MIPEP: variants seen among roughly 807,000 people sequenced by gnomAD.
The protein encoded by MIPEP is mitochondrial intermediate peptidase.
Under a neutral mutation model 90.3 loss-of-function variants are expected in MIPEP, and 79 were observed. That is an observed-to-expected ratio of 0.87 (90% CI 0.73 to 1.05). The LOEUF is 1.05. MIPEP is among the 50% of genes least tolerant of loss of function. MIPEP has a pLI of 0.00. For synonymous variants in MIPEP, 334 were observed against 315.8 expected (o/e 1.06, Z -0.61); for missense variants, 940 against 905.6 (o/e 1.04, Z -0.49).
chr13:23,771,056 G>C (rs968069712), intron 16 of MIPEP, among the ~76,000 whole-genome samples: 1 of 152,130 alleles, frequency 6.6e-6, no homozygotes, highest in Admixed American at 6.5e-5. Context: ...ACAGTCACTG[G>C]GGGGTGCAGA....
chr13:23,773,834 C>T (rs1235359672), intron 16 of MIPEP, among the ~76,000 whole-genome samples: 3 of 152,096 alleles, frequency 2.0e-5, no homozygotes, highest in African/African-American at 7.3e-5. Context: ...TGATCAGATA[C>T]ATATTCTCCC....
rs372488036 is a variant in MIPEP, at chr13:23,870,229, C to A, written c.604-34G>T. The A allele has an allele frequency of 1.1e-5, 15 of 1,364,122 alleles. No homozygotes were observed. The African/African-American group carries it at 1.3e-4, about 12-fold the overall frequency. 84.5% of individuals were successfully genotyped at this position (1,364,122 alleles called of 1,614,324 possible). Reference sequence around the variant, plus strand: ...AGGAGGAGTAAAAGTTATTTAAAGGCGTTTTGAATTAATATTTCACAATTT... The same window carrying A: ...AGGAGGAGTAAAAGTTATTTAAAGGAGTTTTGAATTAATATTTCACAATTT... On this transcript the variant is annotated intron_variant, in intron 5 of 18. Transcript: ENST00000382172.
intron 16 of MIPEP, among the ~76,000 whole-genome samples, chr13:23,777,222 T>C (rs553342490): frequency 1.3e-5 from 2 of 152,200 alleles, no homozygotes; most frequent in African/African-American, 2.4e-5. Context: ...AGTATTTGTG[T>C]TTCTCTAACA....
Position 23,739,782 on chromosome 13 carries a change from CG to C in MIPEP, c.2045-9338del, listed in dbSNP as rs1208424769. 2.6e-3 allele frequency among the ~76,000 whole-genome samples: 390 copies of C among 152,326 alleles called. 4 individuals are homozygous for C. The highest frequency in any genetic ancestry group is 8.9e-3 in the African/African-American group (369 of 41,584). The stretch of plus-strand genomic sequence containing the variant: ...ACTCCTGACTCCACTTCAGACTGAA[CG>C]TCTGCTCATGCATTTATCAAAAGGA... On this transcript the variant is annotated intron_variant, in intron 18 of 18. Coordinates refer to ENST00000382172, the MANE Select transcript of MIPEP (RefSeq NM_005932.4).
In MIPEP at chr13:23,785,713, A is replaced by G. The variant is rs528750650; in HGVS notation, c.1848+20237T>C. On this transcript the variant is annotated intron_variant, in intron 16 of 18. Transcript: ENST00000382172. Reference sequence around the variant, plus strand: ...GACTTCTAAGAAGAACATATATGATAGTATGCTAGCAATAGGCAGGTAAAT... The same window carrying G: ...GACTTCTAAGAAGAACATATATGATGGTATGCTAGCAATAGGCAGGTAAAT... Among the ~76,000 whole-genome samples the G allele has an allele frequency of 1.6e-3, 251 of 152,222 alleles. 1 individual carries two copies. The highest frequency in any genetic ancestry group is 5.6e-3 in the African/African-American group (234 of 41,550).
At chr13:23,824,667 A>T (rs1018222637) in intron 14 of MIPEP, among the ~76,000 whole-genome samples, 30 of 152,228 alleles carry the variant, frequency 2.0e-4, no homozygotes, top group African/African-American at 7.0e-4. Context: ...GCATGTCTCA[A>T]CTAGCTTGTT....
chr13:23,787,742 C>T (rs3794336), intron 16 of MIPEP, among the ~76,000 whole-genome samples: 23,716 of 152,050 alleles, frequency 0.16, 1,992 homozygotes, highest in South Asian at 0.23. Context: ...GCAGCTTTTC[C>T]GAGGCAAGTG....
At chr13:23,743,573 C>T (rs1952353588) in intron 18 of MIPEP, among the ~76,000 whole-genome samples, 1 of 152,246 alleles carries the variant, frequency 6.6e-6, no homozygotes, top group South Asian at 2.1e-4. Flanking sequence ...CTCTCTCTGT[C>T]TCTCTAGAAT....
At chr13:23,856,076 T>C (rs1323343645) in intron 10 of MIPEP, among the ~76,000 whole-genome samples, 1 of 152,258 alleles carries the variant, frequency 6.6e-6, no homozygotes, top group Non-Finnish European at 1.5e-5. Flanking sequence ...AGAATGTTTG[T>C]TCTTGCAGAG....
rs78850349 is a variant in MIPEP at position 23,750,680 on chromosome 13, A to C, written c.2044+5865T>G. 2.2e-4 allele frequency among the ~76,000 whole-genome samples: 33 copies of C among 152,268 alleles called. 1 individual carries two copies. The East Asian group carries it at 6.4e-3, about 29-fold the overall frequency. ...TGCACTGCCCACATAATGAGTGGGGAGTTATGTTCCACTTCCCTAAGGTGG... is the reference window on the plus strand; with the variant it reads ...TGCACTGCCCACATAATGAGTGGGGCGTTATGTTCCACTTCCCTAAGGTGG... On this transcript the variant is annotated intron_variant, in intron 18 of 18. Transcript: ENST00000382172.
chr13:23,881,823 T>C (rs1157224667), intron 2 of MIPEP, 36 bp from the exon 3 acceptor site: 9 of 1,510,832 alleles, frequency 6.0e-6, no homozygotes, highest in Non-Finnish European at 7.3e-6. Context: ...AAAGGGAATT[T>C]GATGAGAAGC....
intron 14 of MIPEP, 21 bp downstream of exon 14, chr13:23,836,219 C>T (rs753000554): frequency 1.5e-5 from 22 of 1,465,882 alleles, no homozygotes; most frequent in African/African-American, 5.8e-5. Flanking sequence ...AAGGACAAGA[C>T]GACAATATTA....
chr13:23,810,468 C>G (rs1953159736), intron 14 of MIPEP, among the ~76,000 whole-genome samples: 1 of 152,148 alleles, frequency 6.6e-6, no homozygotes, highest in Non-Finnish European at 1.5e-5. Flanking sequence ...TTTAATGTCC[C>G]TATGTGATTT....
intron 16 of MIPEP, among the ~76,000 whole-genome samples, chr13:23,802,210 T>C (rs1435985763): frequency 6.6e-6 from 1 of 152,226 alleles, no homozygotes; most frequent in Non-Finnish European, 1.5e-5. Context: ...CCCTGATTAA[T>C]ATTTAAGTTA....
At chr13:23,856,609 C>A (rs527893409) in intron 10 of MIPEP, among the ~76,000 whole-genome samples, 1 of 152,072 alleles carries the variant, frequency 6.6e-6, no homozygotes, top group Non-Finnish European at 1.5e-5. Context: ...ACTGTCAAGG[C>A]GCTGGTGGGA....
chr13:23,790,007 G>T (rs997559896), intron 16 of MIPEP, among the ~76,000 whole-genome samples: 9 of 152,118 alleles, frequency 5.9e-5, no homozygotes, highest in Non-Finnish European at 1.3e-4. Context: ...TTCTTTGAAG[G>T]TTCCTTTCAC....
At chr13:23,854,162 A>G (rs1431317007) in intron 10 of MIPEP, among the ~76,000 whole-genome samples, 3 of 146,326 alleles carry the variant, frequency 2.1e-5, no homozygotes, top group African/African-American at 7.5e-5. Context: ...CGTCTCTACT[A>G]AAAATACAAA....
chr13:23,827,697 T>C (rs1868529346), intron 14 of MIPEP, among the ~76,000 whole-genome samples: 1 of 152,168 alleles, frequency 6.6e-6, no homozygotes, highest in African/African-American at 2.4e-5. Flanking sequence ...TAGCAAACTA[T>C]GAGGTGGGTG....
intron 18 of MIPEP, among the ~76,000 whole-genome samples, chr13:23,734,301 C>T (rs1394507703): frequency 1.3e-5 from 2 of 152,164 alleles, no homozygotes; most frequent in Non-Finnish European, 2.9e-5. Context: ...ACTCTCTGCT[C>T]CTTAAAACCA....
Sources: gnomAD v4.1 joint callset for allele counts (sites outside exome capture counted in the v4.1 genomes callset) on GRCh38, gnomAD v4.1.1 for gene constraint, MANE v1.5 for transcripts, NCBI Gene and HGNC (gene_info 2026-07-23, HGNC 2026-07-21) for gene names.